The following SRP19 variants were observed in gnomAD, a reference collection of about 807,000 sequenced individuals.
The protein encoded by SRP19 is signal recognition particle 19 kDa protein.
A neutral mutation model predicts 22.4 loss-of-function variants in SRP19; 11 were observed. That is an observed-to-expected ratio of 0.49 (90% confidence interval 0.31 to 0.81). The LOEUF (loss-of-function observed/expected upper bound fraction) is 0.81, where lower values mean the gene tolerates loss of function less well. SRP19 is among the 40% of genes least tolerant of loss of function. The probability of loss-of-function intolerance (pLI) is 0.05; values close to 1 mark genes in which losing one functional copy is unlikely to be tolerated. For synonymous variants in SRP19, 61 were observed against 57.6 expected (o/e 1.06, Z -0.27); for missense variants, 168 against 175.9 (o/e 0.96, Z 0.25).
intron 4 of SRP19, chr5:112,878,963 C>A: frequency 7.0e-7 from 1 of 1,434,874 alleles, no homozygotes; most frequent in Non-Finnish European, 9.6e-7. Context: ...CAGGTGCGAT[C>A]ATGTTGGGGT....
intron 4 of SRP19, chr5:112,887,188 A>C: frequency 6.3e-7 from 1 of 1,578,804 alleles, no homozygotes; most frequent in Non-Finnish European, 8.6e-7. Flanking sequence ...GCCACACTGC[A>C]CAGAAAAAGA....
chr5:112,891,835 G>A (rs749579855), exon 5 of SRP19: 71 of 1,567,396 alleles, frequency 4.5e-5, no homozygotes, highest in Non-Finnish European at 5.8e-5. Context: ...ACTAGAAGAA[G>A]AGAAGCTATT....
chr5:112,871,494 T>A (rs149671791), downstream of SRP19, among the ~76,000 whole-genome samples: 1,662 of 152,066 alleles, frequency 0.011, 24 homozygotes, highest in Non-Finnish European at 0.013. Flanking sequence ...GTGTGGCTCA[T>A]GCCTGTAATC....
intron 4 of SRP19, among the ~76,000 whole-genome samples, chr5:112,875,554 G>C (rs1430394522): frequency 6.6e-6 from 1 of 151,846 alleles, no homozygotes; most frequent in East Asian, 1.9e-4. Flanking sequence ...TTTTTGTAGA[G>C]GCAGGGTCTC....
downstream of SRP19, among the ~76,000 whole-genome samples, chr5:112,872,686 A>T (rs546426601): frequency 4.6e-5 from 7 of 152,078 alleles, no homozygotes; most frequent in Non-Finnish European, 7.4e-5. Context: ...TACCCTTTAG[A>T]CCTAGTGCAC....
downstream of SRP19, chr5:112,895,638 C>T (rs921968288): frequency 6.6e-6 from 1 of 152,200 alleles, no homozygotes; most frequent in African/African-American, 2.4e-5. Context: ...ACATCCTTAG[C>T]ATTTTCCTGT....
Position 112,868,345 on chromosome 5 carries a change from C to G in SRP19, c.*808C>G. The G allele has an allele frequency of 1.0e-6, 1 of 989,368 alleles. No individual in the cohort carries two copies. Among genetic ancestry groups the G allele is most frequent in the Non-Finnish European group, 1.2e-6 (1 of 832,710 alleles). 61.3% of individuals were successfully genotyped at this position (989,368 alleles called of 1,614,324 possible). On this transcript the variant is annotated 3_prime_UTR_variant, in exon 5 of 5. Coordinates refer to ENST00000505459, the MANE Select transcript of SRP19 (RefSeq NM_003135.3). ...TTCCTGAGGCCTGGTTTAGCTCTTC[C>G]TTGAATTCTGCAAGCTATCTCATAT...
chr5:112,861,544 C>T (rs1226843250), intron 1 of SRP19, 127 bp downstream of exon 1: 7 of 961,940 alleles, frequency 7.3e-6, no homozygotes, highest in Non-Finnish European at 1.1e-5. Flanking sequence ...TCTGTACGGG[C>T]CCCGCGCCTC....
intron 4 of SRP19, chr5:112,877,637 T>C (rs904162236): frequency 3.3e-5 from 5 of 152,138 alleles, no homozygotes; most frequent in African/African-American, 1.2e-4. Context: ...AAACTGAAGA[T>C]AGATTGACTT....
intron 4 of SRP19, among the ~76,000 whole-genome samples, chr5:112,882,444 C>T (rs1580728456): frequency 6.6e-6 from 1 of 152,232 alleles, no homozygotes; most frequent in African/African-American, 2.4e-5. Context: ...CCCACCCTCA[C>T]TTCATAGTTC....
At chr5:112,861,993 AATG>A (rs1344247908) in intron 1 of SRP19, among the ~76,000 whole-genome samples, 8 of 152,246 alleles carry the variant, frequency 5.3e-5, no homozygotes, top group Non-Finnish European at 1.2e-4. Flanking sequence ...GTGTACCAGC[AATG>A]ATGACGACTA....
rs946239409 is a variant in SRP19 at position 112,867,717 on chromosome 5, A to T, written c.*180A>T. 1 of 1,347,208 alleles carries T rather than the reference A, an allele frequency of 7.4e-7. No homozygotes were observed. 83.5% of individuals were successfully genotyped at this position (1,347,208 alleles called of 1,614,324 possible). ...AAACAAATTTACATCAGAAGTTTGCATCTCGCGTATATGCCGTATAAAAGA... is the reference window on the plus strand; with the variant it reads ...AAACAAATTTACATCAGAAGTTTGCTTCTCGCGTATATGCCGTATAAAAGA... On this transcript the variant is annotated 3_prime_UTR_variant, in exon 5 of 5. Coordinates refer to ENST00000505459, the MANE Select transcript of SRP19 (RefSeq NM_003135.3).
intron 4 of SRP19, among the ~76,000 whole-genome samples, chr5:112,881,760 C>G (rs1768082192): frequency 6.6e-6 from 1 of 151,960 alleles, no homozygotes; most frequent in East Asian, 1.9e-4. Context: ...CTTTCTAACA[C>G]TACTCCTATT....
In SRP19 at chr5:112,863,805, C is replaced by T. The variant is rs181999624; in HGVS notation, c.118-652C>T. 2.6e-4 allele frequency among the ~76,000 whole-genome samples: 39 copies of T among 152,298 alleles called. No individual in the cohort carries two copies. In the East Asian group the frequency reaches 7.1e-3, roughly 28 times the overall value. ...TCAGCCTTCTGAGTAGCTGGGACTA[C>T]AGGCACATGCCACCATGTCCGGCTA... On this transcript the variant is annotated intron_variant, in intron 2 of 4. Coordinates refer to ENST00000505459, the MANE Select transcript of SRP19 (RefSeq NM_003135.3).
chr5:112,867,978 A>G lies in SRP19; in HGVS notation c.*441A>G. ...AATTAAGAATAAAATATGTAGTGAA[A>G]GTTTCCATAGTGTGAGGCTAAAACT... is the stretch of plus-strand genomic sequence containing the variant. On this transcript the variant is annotated 3_prime_UTR_variant, in exon 5 of 5. Coordinates refer to ENST00000505459, the MANE Select transcript of SRP19 (RefSeq NM_003135.3). 2.0e-6 allele frequency: 2 copies of G among 986,852 alleles called. No individual in the cohort carries two copies. The highest frequency in any genetic ancestry group is 3.5e-5 in the African/African-American group (2 of 57,358). 61.1% of individuals were successfully genotyped at this position (986,852 alleles called of 1,614,324 possible).
chr5:112,873,489 G>GGCAT (rs1467796291), downstream of SRP19, among the ~76,000 whole-genome samples: 1 of 151,574 alleles, frequency 6.6e-6, no homozygotes, highest in African/African-American at 2.4e-5. Context: ...TGGGATTACA[G>GGCAT]GCATGCGGCA....
chr5:112,894,600 G>A (rs1170232972), downstream of SRP19: 2 of 152,102 alleles, frequency 1.3e-5, no homozygotes, highest in Non-Finnish European at 2.9e-5. Flanking sequence ...AGCATCACAG[G>A]GGATGTGCTA....
intron 4 of SRP19, among the ~76,000 whole-genome samples, chr5:112,884,359 C>A (rs577943227): frequency 6.6e-6 from 1 of 152,076 alleles, no homozygotes; most frequent in Non-Finnish European, 1.5e-5. Context: ...AGTATGATTC[C>A]CCATGGTTCC....
chr5:112,867,722 G>C lies in SRP19; in HGVS notation c.*185G>C. 7.6e-7 allele frequency: 1 copy of C among 1,323,742 alleles called. No homozygotes were observed. Among genetic ancestry groups the C allele is most frequent in the Non-Finnish European group, 9.7e-7 (1 of 1,035,898 alleles). The allele number at this position is 1,323,742 out of a possible 1,614,324, so 82.0% of individuals were successfully genotyped here. ...AATTTACATCAGAAGTTTGCATCTC[G>C]CGTATATGCCGTATAAAAGAATTTT... is the stretch of plus-strand genomic sequence containing the variant. On this transcript the variant is annotated 3_prime_UTR_variant, in exon 5 of 5. Coordinates refer to ENST00000505459, the MANE Select transcript of SRP19 (RefSeq NM_003135.3).
Sources: gnomAD v4.1 joint callset for allele counts (sites outside exome capture counted in the v4.1 genomes callset) on GRCh38, gnomAD v4.1.1 for gene constraint, MANE v1.5 for transcripts, NCBI Gene and HGNC (gene_info 2026-07-23, HGNC 2026-07-21) for gene names.